GALNT16: variants seen among roughly 807,000 people sequenced by gnomAD.
GALNT16 encodes the protein UDP-GalNAc:polypeptide N-acetylgalactosaminyltransferase-like protein 1.
GALNT16 carries 40 observed loss-of-function variants against 76.1 expected under a neutral mutation model. The observed-to-expected ratio is 0.53, with a 90% CI of 0.41 to 0.68. The LOEUF is 0.68. GALNT16 is among the 30% of genes least tolerant of loss of function. The probability of loss-of-function intolerance (pLI) is 0.00; values close to 1 mark genes in which losing one functional copy is unlikely to be tolerated. For synonymous variants in GALNT16, 276 were observed against 285.2 expected, an observed-to-expected ratio of 0.97 and a Z score of 0.32; for missense variants, 621 against 731.9, an observed-to-expected ratio of 0.85 and a Z score of 1.75.
At chr14:69,362,636 T>C in the GALNT16 span, among the ~76,000 whole-genome samples, 4 of 152,202 alleles carry the variant, frequency 2.6e-5, no homozygotes, top group African/African-American at 9.6e-5. Context: ...CTCACTGTTC[T>C]CAACTGAAAA....
In GALNT16 at chr14:69,353,043, A is replaced by G. The variant is rs1219176437; in HGVS notation, c.*875A>G. Reference sequence around the variant, plus strand: ...AGACCTCTCTCTCGGGCATTAATGAACAGCTAGTGCCCTGTCCCTGCCGCC... The same window carrying G: ...AGACCTCTCTCTCGGGCATTAATGAGCAGCTAGTGCCCTGTCCCTGCCGCC... On this transcript the variant is annotated 3_prime_UTR_variant, in exon 15 of 15. Coordinates refer to ENST00000448469, the MANE Select transcript of GALNT16 (RefSeq NM_001168368.2). Among the ~76,000 whole-genome samples, 2 of 152,110 alleles carry G rather than the reference A, an allele frequency of 1.3e-5. No individual in the cohort carries two copies. Among genetic ancestry groups the G allele is most frequent in the African/African-American group, 4.8e-5 (2 of 41,412 alleles).
intron 1 of GALNT16, among the ~76,000 whole-genome samples, chr14:69,312,609 C>T (rs1398171240): frequency 6.6e-6 from 1 of 152,132 alleles, no homozygotes; most frequent in Non-Finnish European, 1.5e-5. Context: ...CTGAGAGGAC[C>T]CAGGAAATCT....
intron 6 of GALNT16, among the ~76,000 whole-genome samples, chr14:69,331,250 C>T (rs1372122864): frequency 6.6e-6 from 1 of 152,164 alleles, no homozygotes; most frequent in Non-Finnish European, 1.5e-5. Flanking sequence ...TTGGAGAGTA[C>T]ATGGGAGCCA....
intron 1 of GALNT16, among the ~76,000 whole-genome samples, chr14:69,283,637 C>A (rs888877293): frequency 6.6e-6 from 1 of 152,190 alleles, no homozygotes. Context: ...AAATTTAGCT[C>A]TATCACTTAC....
chr14:69,285,151 C>T (rs564119812), intron 1 of GALNT16, among the ~76,000 whole-genome samples: 2 of 149,246 alleles, frequency 1.3e-5, no homozygotes, highest in South Asian at 2.1e-4. Flanking sequence ...CACCATTCTC[C>T]TGCCTCAGCC....
At chr14:69,281,200 G>A (rs1376761316) in intron 1 of GALNT16, among the ~76,000 whole-genome samples, 1 of 152,140 alleles carries the variant, frequency 6.6e-6, no homozygotes, top group Admixed American at 6.5e-5. Flanking sequence ...AACCTACAGG[G>A]CCTACTGTGT....
the GALNT16 span, among the ~76,000 whole-genome samples, chr14:69,377,804 C>CAAAAAAAAAAAAAAAAAAA: frequency 1.1e-4 from 4 of 37,486 alleles, no homozygotes; most frequent in African/African-American, 2.0e-4. Context: ...GAGACTGTCT[C>CAAAAAAAAAAAAAAAAAAA]AAAAAAAAAA....
chr14:69,261,157 G>A lies in GALNT16; in HGVS notation c.177+690G>A, dbSNP rs1026646780. Among the ~76,000 whole-genome samples the A allele has an allele frequency of 6.6e-6, 1 of 152,160 alleles. No individual in the cohort carries two copies. Among genetic ancestry groups the A allele is most frequent in the Non-Finnish European group, 1.5e-5 (1 of 68,018 alleles). ...CCCGAACTTGGCGATACCCTTGCAT[G>A]AAGTCAGCCTCGCGACATCTAAGCG... On this transcript the variant is annotated intron_variant, in intron 1 of 14. Transcript: ENST00000448469. The surrounding 1 kb of genome is among the most constrained non-coding windows in gnomAD (Gnocchi z 6.4).
intron 1 of GALNT16, among the ~76,000 whole-genome samples, chr14:69,303,034 A>T (rs1447141826): frequency 6.6e-6 from 1 of 152,246 alleles, no homozygotes; most frequent in Non-Finnish European, 1.5e-5. Context: ...AATATTAAGC[A>T]TGTATCTTTG....
chr14:69,378,201 C>T, the GALNT16 span, among the ~76,000 whole-genome samples: 1 of 152,150 alleles, frequency 6.6e-6, no homozygotes, highest in Non-Finnish European at 1.5e-5. Flanking sequence ...GAAGTGAGAT[C>T]GTTGAACTCT....
At chr14:69,381,408 C>G in the GALNT16 span, among the ~76,000 whole-genome samples, 1 of 152,182 alleles carries the variant, frequency 6.6e-6, no homozygotes, top group Non-Finnish European at 1.5e-5. Flanking sequence ...TTAAGGAAAT[C>G]TTAAACCTAT....
intron 1 of GALNT16, among the ~76,000 whole-genome samples, chr14:69,264,513 A>G (rs61158381): frequency 0.019 from 2,915 of 152,254 alleles, 105 homozygotes; most frequent in African/African-American, 0.067. Flanking sequence ...GGAAGCCCCC[A>G]CTTACCTAGC....
At chr14:69,321,302 TC>T (rs1256424206) in intron 2 of GALNT16, among the ~76,000 whole-genome samples, 1 of 152,140 alleles carries the variant, frequency 6.6e-6, no homozygotes, top group African/African-American at 2.4e-5. Context: ...CCTCAGCAAC[TC>T]CCAGAAATGC....
intron 12 of GALNT16, among the ~76,000 whole-genome samples, chr14:69,346,456 CTA>C (rs2140199136): frequency 6.6e-6 from 1 of 152,276 alleles, no homozygotes; most frequent in East Asian, 1.9e-4. Context: ...CTGTGCTAAT[CTA>C]TGCTCTCACC....
At chr14:69,325,810 C>G in intron 4 of GALNT16, 152 bp from the exon 5 acceptor site, 1 of 666,258 alleles carries the variant, frequency 1.5e-6, no homozygotes, top group East Asian at 2.7e-5. Flanking sequence ...GGCAGGGCAA[C>G]CCTTCGGCCA....
chr14:69,288,737 C>G (rs7143336), intron 1 of GALNT16, among the ~76,000 whole-genome samples: 40,118 of 152,120 alleles, frequency 0.26, 5,624 homozygotes, highest in East Asian at 0.38. Flanking sequence ...TGGAAAATAG[C>G]TTCCACAGCA....
At chr14:69,288,867 G>A (rs542005711) in intron 1 of GALNT16, among the ~76,000 whole-genome samples, 19 of 152,218 alleles carry the variant, frequency 1.2e-4, no homozygotes, top group Admixed American at 3.9e-4. Context: ...TCATCCTAGC[G>A]AGTGGATAGA....
intron 1 of GALNT16, among the ~76,000 whole-genome samples, chr14:69,316,087 G>A (rs997534562): frequency 2.0e-5 from 3 of 152,228 alleles, no homozygotes; most frequent in Admixed American, 2.0e-4. Flanking sequence ...CCAGGGTCTT[G>A]TGCTCACCCT....
downstream of GALNT16, chr14:69,355,957 G>C (rs1426904594): frequency 6.6e-6 from 1 of 152,240 alleles, no homozygotes; most frequent in Non-Finnish European, 1.5e-5. Context: ...CATGGGGTGT[G>C]GTCCTTCTCC....
Sources: gnomAD v4.1 joint callset for allele counts (sites outside exome capture counted in the v4.1 genomes callset) on GRCh38, gnomAD v4.1.1 for gene constraint, Gnocchi (gnomAD v3.1) non-coding constraint, MANE v1.5 for transcripts, NCBI Gene and HGNC (gene_info 2026-07-23, HGNC 2026-07-21) for gene names.